CFH: variants seen among roughly 807,000 people sequenced by gnomAD.
The protein encoded by CFH is complement factor H.
A neutral mutation model predicts 147.3 loss-of-function variants in CFH; 53 were observed. The observed-to-expected ratio is 0.36, with a 90% confidence interval of 0.29 to 0.45. The LOEUF (loss-of-function observed/expected upper bound fraction) is 0.45, where lower values mean the gene tolerates loss of function less well. CFH is among the 20% of genes least tolerant of loss of function. The pLI is 1.00. For synonymous variants in CFH, 536 were observed against 489.4 expected (o/e 1.10, Z -1.26); for missense variants, 1,380 against 1,498.0 (o/e 0.92, Z 1.30).
chr1:196,742,394 G>GAAAT (rs1196430434), intron 19 of CFH, among the ~76,000 whole-genome samples: 3 of 151,992 alleles, frequency 2.0e-5, no homozygotes, highest in Non-Finnish European at 4.4e-5. Flanking sequence ...AAATAAACCT[G>GAAAT]AAATAAATAA....
At chr1:196,691,882 A>G (rs934497951) in intron 9 of CFH, among the ~76,000 whole-genome samples, 1 of 151,992 alleles carries the variant, frequency 6.6e-6, no homozygotes, top group Non-Finnish European at 1.5e-5. Context: ...TTTTCTTTTC[A>G]TATTTTAAAA....
At chr1:196,667,018 G>T (rs1003800282) in intron 1 of CFH, among the ~76,000 whole-genome samples, 13 of 151,900 alleles carry the variant, frequency 8.6e-5, no homozygotes, top group Non-Finnish European at 1.6e-4. Context: ...GGTTAATAAT[G>T]TTGCTTATAT....
intron 12 of CFH, among the ~76,000 whole-genome samples, chr1:196,726,112 C>G (rs987748861): frequency 9.9e-5 from 15 of 152,216 alleles, no homozygotes; most frequent in Non-Finnish European, 1.9e-4. Context: ...ATTAGTCAAA[C>G]TTTATGTTGA....
chr1:196,745,205 T>G (rs1652959227), intron 20 of CFH, among the ~76,000 whole-genome samples: 1 of 152,156 alleles, frequency 6.6e-6, no homozygotes, highest in Admixed American at 6.5e-5. Context: ...AGTTTATACC[T>G]TATGGTCAAA....
At chr1:196,695,655 A>G (rs1270340663) in intron 9 of CFH, among the ~76,000 whole-genome samples, 2 of 151,952 alleles carry the variant, frequency 1.3e-5, no homozygotes, top group African/African-American at 2.4e-5. Context: ...ATATTTTTCT[A>G]TTTATTTTGG....
intron 9 of CFH, among the ~76,000 whole-genome samples, chr1:196,710,628 T>C (rs1338182014): frequency 2.0e-5 from 3 of 152,190 alleles, no homozygotes; most frequent in Non-Finnish European, 4.4e-5. Context: ...AGCATGTTCG[T>C]ATGTGCAAAA....
intron 1 of CFH, among the ~76,000 whole-genome samples, chr1:196,667,441 ACT>A (rs752851722): frequency 7.9e-5 from 12 of 151,856 alleles, no homozygotes; most frequent in Non-Finnish European, 1.6e-4. Flanking sequence ...ATATGAAATG[ACT>A]CTCTTTTTAT....
At chr1:196,718,175 C>G (rs1170858724) in intron 11 of CFH, among the ~76,000 whole-genome samples, 1 of 152,046 alleles carries the variant, frequency 6.6e-6, no homozygotes, top group Non-Finnish European at 1.5e-5. Flanking sequence ...AACACAAGCA[C>G]AGGTCTACTT....
At chr1:196,722,147 G>A (rs1002575158) in intron 11 of CFH, among the ~76,000 whole-genome samples, 1 of 152,016 alleles carries the variant, frequency 6.6e-6, no homozygotes, top group Non-Finnish European at 1.5e-5. Context: ...AGACCTGTGA[G>A]TTTTGTACTT....
At chr1:196,657,931 G>T (rs1366467518) in intron 1 of CFH, among the ~76,000 whole-genome samples, 3 of 151,824 alleles carry the variant, frequency 2.0e-5, no homozygotes, top group Admixed American at 6.6e-5. Flanking sequence ...TATTTCATTT[G>T]AATAAAAACA....
At chr1:196,715,799 T>G (rs1238556445) in intron 11 of CFH, 30 bp downstream of exon 11, 2 of 1,565,870 alleles carry the variant, frequency 1.3e-6, no homozygotes, top group Non-Finnish European at 1.7e-6. Flanking sequence ...AAATTCATTT[T>G]CAAAATGAAA....
rs895569626 is a variant in CFH, at chr1:196,693,276, T to A, written c.1336+3037T>A. Among the ~76,000 whole-genome samples, 10 of 152,218 alleles carry A rather than the reference T, an allele frequency of 6.6e-5. No individual in the cohort carries two copies. In the South Asian group the frequency reaches 1.9e-3, roughly 28 times the overall value. ...AATGCAAACTGGCTGTAGTTTCCTT[T>A]AAAATAGTCATTTAAATAAAAAATT... is the stretch of plus-strand genomic sequence containing the variant. On this transcript the variant is annotated intron_variant, in intron 9 of 21. Transcript: ENST00000367429.
rs515299 is a variant in CFH, at chr1:196,737,547, G to C, written c.2669G>C (p.Ser890Thr). Residue 890 changes from serine (S) to threonine (T), a missense_variant, in exon 17 of 22, where the codon AGT (serine) becomes ACT (threonine). By Grantham distance (58) the Ser-to-Thr change is moderately conservative (BLOSUM62 1). Coordinates refer to ENST00000367429, the MANE Select transcript of CFH (RefSeq NM_000186.4). ...TINSSRSSQE[S>T]YAHGTKLSYT... is the part of the protein sequence containing the mutation. The stretch of plus-strand genomic sequence containing the variant: ...AATTCATCCAGGTCTTCACAAGAAA[G>C]TTATGCACATGGGACTAAATTGAGT... 10 of 1,613,338 alleles carry C rather than the reference G, an allele frequency of 6.2e-6. No homozygotes were observed. The East Asian group carries it at 2.2e-4, about 36-fold the overall frequency.
At chr1:196,690,376 G>A in intron 9 of CFH, 137 bp downstream of exon 9, 3 of 1,287,318 alleles carry the variant, frequency 2.3e-6, no homozygotes, top group South Asian at 1.2e-5. Flanking sequence ...TTTAGTTTTT[G>A]GTTTTTCAAC....
chr1:196,713,216 G>A (rs7535263), intron 9 of CFH, among the ~76,000 whole-genome samples: 69,787 of 151,840 alleles, frequency 0.46, 16,366 homozygotes, highest in South Asian at 0.56. Flanking sequence ...ACTGTTCCTC[G>A]TCTTCTTTGA....
intron 15 of CFH, among the ~76,000 whole-genome samples, chr1:196,730,988 T>G (rs1270865061): frequency 6.6e-6 from 1 of 151,884 alleles, no homozygotes. Context: ...AAGTCAATTG[T>G]AAGCAGTTTA....
rs35292876 is a variant in CFH at position 196,737,512 on chromosome 1, C to T, written c.2634C>T (p.His878=). The T allele has an allele frequency of 9.7e-3, 15,718 of 1,612,918 alleles. 126 individuals are homozygous for T. The highest frequency in any genetic ancestry group is 0.029 in the South Asian group (2,647 of 91,002). Residue 878 remains histidine (H), a synonymous_variant, in exon 17 of 22, where the codon CAC becomes CAT. Transcript: ENST00000367429. ...IPCSQPPQIE[H]GTINSSRSSQ... ...GTTCACAACCACCTCAGATAGAACA[C>T]GGAACCATTAATTCATCCAGGTCTT...
chr1:196,706,909 A>G (rs1668603699), intron 9 of CFH, among the ~76,000 whole-genome samples: 1 of 152,104 alleles, frequency 6.6e-6, no homozygotes, highest in Non-Finnish European at 1.5e-5. Context: ...ACTTGCTTGT[A>G]TTTTTAGATA....
chr1:196,717,382 A>C (rs1362883716), intron 11 of CFH, among the ~76,000 whole-genome samples: 1 of 152,188 alleles, frequency 6.6e-6, no homozygotes, highest in Non-Finnish European at 1.5e-5. Context: ...CTTATATAAT[A>C]AAGTCAAAGA....
Sources: gnomAD v4.1 joint callset for allele counts (sites outside exome capture counted in the v4.1 genomes callset) on GRCh38, gnomAD v4.1.1 for gene constraint, MANE v1.5 for transcripts, NCBI Gene and HGNC (gene_info 2026-07-23, HGNC 2026-07-21) for gene names.